SNX4: variants seen among roughly 807,000 people sequenced by gnomAD.
SNX4 encodes the protein sorting nexin-4.
Under a neutral mutation model 70.8 loss-of-function variants are expected in SNX4, and 49 were observed. That is an observed-to-expected ratio of 0.69 (90% CI 0.55 to 0.88). The LOEUF is 0.88. Ranked by LOEUF, SNX4 falls within the 40% of genes least tolerant of loss-of-function variation. The probability of loss-of-function intolerance (pLI) is 0.00; values close to 1 mark genes in which losing one functional copy is unlikely to be tolerated. For synonymous variants in SNX4, 206 were observed against 183.8 expected (o/e 1.12, Z -0.98); for missense variants, 528 against 544.8 (o/e 0.97, Z 0.31).
Position 125,495,787 on chromosome 3 carries a change from TAA to T in SNX4, c.597+1552_597+1553del, listed in dbSNP as rs570128857. Among the ~76,000 whole-genome samples the T allele has an allele frequency of 9.2e-5, 14 of 152,340 alleles. No homozygotes were observed. The East Asian group carries it at 1.7e-3, about 19-fold the overall frequency. On this transcript the variant is annotated intron_variant, in intron 5 of 13. Coordinates refer to ENST00000251775, the MANE Select transcript of SNX4 (RefSeq NM_003794.4). Reference sequence around the variant, plus strand: ...TAGAATTTTTAAATTTTTTGTTATATAAAGAGAATTCACTAAAATGATTGTAT... The same window carrying T: ...TAGAATTTTTAAATTTTTTGTTATATAGAGAATTCACTAAAATGATTGTAT...
intron 1 of SNX4, 53 bp downstream of exon 1, chr3:125,519,979 G>A: frequency 2.2e-6 from 3 of 1,343,688 alleles, no homozygotes; most frequent in Non-Finnish European, 3.0e-6. Context: ...GCCCAGCCCG[G>A]CCCGCTAGGC....
intron 10 of SNX4, among the ~76,000 whole-genome samples, chr3:125,459,120 G>A (rs906231614): frequency 6.6e-6 from 1 of 152,144 alleles, no homozygotes; most frequent in Non-Finnish European, 1.5e-5. Context: ...GTGGCAGTGA[G>A]CAGAGATTGT....
chr3:125,511,924 C>A (rs1935181631), intron 1 of SNX4, among the ~76,000 whole-genome samples: 2 of 152,050 alleles, frequency 1.3e-5, no homozygotes, highest in Non-Finnish European at 2.9e-5. Context: ...TGATACACTA[C>A]ACAGCTCTCC....
intron 9 of SNX4, among the ~76,000 whole-genome samples, chr3:125,466,593 C>G (rs980002999): frequency 1.3e-5 from 2 of 152,220 alleles, no homozygotes; most frequent in African/African-American, 4.8e-5. Flanking sequence ...CTATAAGGAA[C>G]TTAAACAAAT....
chr3:125,472,467 G>C (rs555926966), intron 8 of SNX4, among the ~76,000 whole-genome samples: 1 of 151,606 alleles, frequency 6.6e-6, no homozygotes, highest in Admixed American at 6.6e-5. Context: ...CCATATAATA[G>C]ACATGGCACA....
chr3:125,477,814 G>C (rs562877698), intron 7 of SNX4, among the ~76,000 whole-genome samples: 1 of 152,142 alleles, frequency 6.6e-6, no homozygotes, highest in Non-Finnish European at 1.5e-5. Flanking sequence ...TTTGTAAACA[G>C]AGTCTCACTG....
At chr3:125,484,536 T>G (rs1230169860) in intron 6 of SNX4, among the ~76,000 whole-genome samples, 1 of 152,120 alleles carries the variant, frequency 6.6e-6, no homozygotes, top group Non-Finnish European at 1.5e-5. Flanking sequence ...ATTACAGGTG[T>G]GAGCTACCAT....
chr3:125,502,527 C>T (rs921644987), intron 2 of SNX4, among the ~76,000 whole-genome samples: 10 of 152,082 alleles, frequency 6.6e-5, no homozygotes, highest in Non-Finnish European at 1.5e-4. Flanking sequence ...AAGGCAAGCT[C>T]ACAGGTAAAG....
intron 10 of SNX4, among the ~76,000 whole-genome samples, chr3:125,459,837 C>T (rs9854174): frequency 0.39 from 59,498 of 151,720 alleles, 12,196 homozygotes; most frequent in African/African-American, 0.51. Flanking sequence ...GATGATTTCA[C>T]ACCAATCACC....
intron 1 of SNX4, among the ~76,000 whole-genome samples, chr3:125,506,203 C>CAACA (rs1935039154): frequency 2.0e-5 from 3 of 151,846 alleles, no homozygotes; most frequent in South Asian, 2.1e-4. Context: ...TTTTCAACAA[C>CAACA]AACAAAAAAA....
In SNX4 at chr3:125,476,692, T is replaced by A; in HGVS notation, c.788+3A>T. On this transcript the variant is annotated splice_donor_region_variant and intron_variant, in intron 8 of 13. Coordinates refer to ENST00000251775, the MANE Select transcript of SNX4 (RefSeq NM_003794.4). ...TTATTTTTAAAGTTTGTATGATGCT[T>A]ACCTGAAAACTCGACCATAATTCCC... is the stretch of plus-strand genomic sequence containing the variant. The A allele has an allele frequency of 1.3e-6, 2 of 1,567,570 alleles. No homozygotes were observed. Among genetic ancestry groups the A allele is most frequent in the Non-Finnish European group, 1.8e-6 (2 of 1,140,588 alleles).
intron 1 of SNX4, 57 bp downstream of exon 1, chr3:125,519,975 C>T (rs970526931): frequency 1.4e-5 from 20 of 1,456,508 alleles, no homozygotes; most frequent in African/African-American, 6.0e-5. Flanking sequence ...CCCAGCCCAG[C>T]CCGGCCCGCT....
chr3:125,480,589 C>T (rs1934388105), intron 6 of SNX4, among the ~76,000 whole-genome samples: 1 of 152,136 alleles, frequency 6.6e-6, no homozygotes, highest in Non-Finnish European at 1.5e-5. Flanking sequence ...TGAAAAACTA[C>T]TTTGAAAATA....
At chr3:125,495,275 T>TATATATATATATACACACAC in intron 5 of SNX4, among the ~76,000 whole-genome samples, 2,713 of 82,968 alleles carry the variant, frequency 0.033, 147 homozygotes, top group Middle Eastern at 0.06. Context: ...TATATATATA[T>TATATATATATATACACACAC]ATACACATAC....
chr3:125,495,642 T>C (rs1200406772), intron 5 of SNX4, among the ~76,000 whole-genome samples: 1 of 152,042 alleles, frequency 6.6e-6, no homozygotes, highest in Non-Finnish European at 1.5e-5. Flanking sequence ...CACTGGTAAA[T>C]AGCAATTTTA....
chr3:125,490,835 C>A (rs1934643969), intron 5 of SNX4, among the ~76,000 whole-genome samples: 1 of 151,166 alleles, frequency 6.6e-6, no homozygotes, highest in South Asian at 2.1e-4. Flanking sequence ...GGTAGAAGAA[C>A]TATTAGGGTT....
intron 8 of SNX4, 132 bp from the exon 9 acceptor site, chr3:125,469,651 G>A (rs570393568): frequency 1.6e-6 from 1 of 627,484 alleles, no homozygotes; most frequent in African/African-American, 1.9e-5. Flanking sequence ...GGTTTATTTT[G>A]TATAACTCAA....
At chr3:125,474,769 AAATT>A (rs1559814992) in intron 8 of SNX4, among the ~76,000 whole-genome samples, 1 of 152,228 alleles carries the variant, frequency 6.6e-6, no homozygotes, top group Non-Finnish European at 1.5e-5. Context: ...CCTGCCTCTC[AAATT>A]AATTAAAAAG....
At chr3:125,475,209 T>C in intron 8 of SNX4, among the ~76,000 whole-genome samples, 1 of 152,336 alleles carries the variant, frequency 6.6e-6, no homozygotes, top group Middle Eastern at 3.4e-3. Context: ...GACATATGGA[T>C]AACCTACTAC....
Sources: gnomAD v4.1 joint callset for allele counts (sites outside exome capture counted in the v4.1 genomes callset) on GRCh38, gnomAD v4.1.1 for gene constraint, MANE v1.5 for transcripts, NCBI Gene and HGNC (gene_info 2026-07-23, HGNC 2026-07-21) for gene names.